The following CFAP251 variants were observed in gnomAD, a reference collection of about 807,000 sequenced individuals.
CFAP251 encodes cilia and flagella associated protein 251, also known as cilia- and flagella-associated protein 251.
In CFAP251, 93 loss-of-function variants were observed where a neutral mutation model predicts 126.7. The observed-to-expected ratio is 0.73, with a 90% CI of 0.62 to 0.87. The LOEUF is 0.87. Among genes scored for constraint, CFAP251 ranks in the 40% least tolerant of loss-of-function variants. The pLI is 0.00. For missense variants in CFAP251, 1,287 were observed against 1,389.2 expected (o/e 0.93, Z 1.17); for synonymous variants, 503 against 506.9 (o/e 0.99, Z 0.10).
In CFAP251 at chr12:121,958,296, T is replaced by A; in HGVS notation, c.1755T>A (p.Asp585Glu). ...GGAATTTTATCATTGGAACATCTGA[T>A]GCCGCGGTGTACCACTTAACAACAG... Reference protein sequence around the residue: ...VLRNFIIGTSDAAVYHLTTDG... With the variant: ...VLRNFIIGTSEAAVYHLTTDG... The change falls in exon 12 of 22, where the codon GAT (aspartate) becomes GAA (glutamate). Residue 585 changes from aspartate (D) to glutamate (E), a missense_variant. By Grantham distance (45) the Asp-to-Glu change is conservative (BLOSUM62 2). Transcript: ENST00000288912. 6.2e-7 allele frequency: 1 copy of A among 1,614,084 alleles called. No homozygotes were observed. The highest frequency in any genetic ancestry group is 2.2e-5 in the East Asian group (1 of 44,898).
In CFAP251 at chr12:121,958,992, T is replaced by G. The variant is rs1239262288; in HGVS notation, c.2031T>G (p.Asp677Glu). The G allele has an allele frequency of 6.2e-7, 1 of 1,611,824 alleles. No homozygotes were observed. The highest frequency in any genetic ancestry group is 1.3e-5 in the African/African-American group (1 of 74,758). ...CAGAGGGGACAGTTTACATTCTTGA[T>G]GCAATGTCTTTAGAAAATGAAAGCC... ...GFTEGTVYIL[D>E]AMSLENESPE... Residue 677 changes from aspartate (D) to glutamate (E), a missense_variant, in exon 13 of 22, where the codon GAT (aspartate) becomes GAG (glutamate). Coordinates refer to ENST00000288912, the MANE Select transcript of CFAP251 (RefSeq NM_144668.6).
intron 15 of CFAP251, among the ~76,000 whole-genome samples, chr12:121,963,635 C>T (rs1882023677): frequency 6.7e-6 from 1 of 149,178 alleles, no homozygotes; most frequent in Non-Finnish European, 1.5e-5. Context: ...TGCACGTGGG[C>T]CCCTGTGCTT....
chr12:121,940,491 G>A (rs1881066910), intron 5 of CFAP251, among the ~76,000 whole-genome samples: 1 of 152,148 alleles, frequency 6.6e-6, no homozygotes, highest in Admixed American at 6.6e-5. Context: ...ATACAGAGAT[G>A]CTGAGGCCTG....
rs1225298391 is a variant in CFAP251 at position 121,975,229 on chromosome 12, C to A, written c.2772-15C>A. On this transcript the variant is annotated splice_polypyrimidine_tract_variant and intron_variant, in intron 17 of 21. Transcript: ENST00000288912. ...TGAGCGCTTTCTAATAGAGACATTTCTGTTGTTGTTCCAGTGTCCTGGAGG... is the reference window on the plus strand; with the variant it reads ...TGAGCGCTTTCTAATAGAGACATTTATGTTGTTGTTCCAGTGTCCTGGAGG... 33 of 1,611,874 alleles carry A rather than the reference C, an allele frequency of 2.0e-5. No individual in the cohort carries two copies. The highest frequency in any genetic ancestry group is 2.7e-5 in the Non-Finnish European group (32 of 1,178,458).
intron 15 of CFAP251, among the ~76,000 whole-genome samples, chr12:121,962,715 A>T (rs1881984135): frequency 6.6e-6 from 1 of 151,014 alleles, no homozygotes; most frequent in African/African-American, 2.4e-5. Flanking sequence ...AAAAAAAAGG[A>T]AAAGGAAAAG....
intron 19 of CFAP251, among the ~76,000 whole-genome samples, chr12:121,977,984 T>A (rs989588169): frequency 2.7e-5 from 4 of 150,568 alleles, no homozygotes; most frequent in African/African-American, 4.9e-5. Flanking sequence ...AATAAATAAA[T>A]AAAAATAAAA....
Position 121,999,734 on chromosome 12 carries a change from GAA to G in CFAP251, c.3027_3028del (p.Glu1009AspfsTer5). 1 of 1,605,388 alleles carries G rather than the reference GAA, an allele frequency of 6.2e-7. No individual in the cohort carries two copies. The highest frequency in any genetic ancestry group is 8.5e-7 in the Non-Finnish European group (1 of 1,173,134). On this transcript the variant is annotated frameshift_variant, in exon 20 of 22. Coordinates refer to ENST00000288912, the MANE Select transcript of CFAP251 (RefSeq NM_144668.6). LOFTEE classifies it high-confidence loss of function. ...CCCCTAGATTGATGATATATTTAAC[GAA>G]ATCAAATTTGGTGAATATGTGGACA... Reference protein sequence around the residue: ...SEEKIDDIFNEIKFGEYVDTG... With the variant: ...SEEKIDDIFNXIKFGEYVDTG...
In CFAP251 at chr12:121,931,784, T is replaced by C. The variant is rs1880701993; in HGVS notation, c.786T>C (p.Pro262=). 1 of 1,602,568 alleles carries C rather than the reference T, an allele frequency of 6.2e-7. No homozygotes were observed. Among genetic ancestry groups the C allele is most frequent in the African/African-American group, 1.3e-5 (1 of 74,314 alleles). The change falls in exon 4 of 22, where the codon CCT becomes CCC. Residue 262 remains proline (P), a synonymous_variant. Coordinates refer to ENST00000288912, the MANE Select transcript of CFAP251 (RefSeq NM_144668.6). ...TWSFGWNSSL[P]VYYIREERQR... Reference sequence around the variant, plus strand: ...CGTTTGGATGGAACAGTTCTCTTCCTGTTTACTATATTCGAGAGGAAAGGC... The same window carrying C: ...CGTTTGGATGGAACAGTTCTCTTCCCGTTTACTATATTCGAGAGGAAAGGC...
At chr12:121,939,479 C>T (rs11609272) in intron 5 of CFAP251, among the ~76,000 whole-genome samples, 2,364 of 152,254 alleles carry the variant, frequency 0.016, 22 homozygotes, top group Non-Finnish European at 0.023. Context: ...TCTCTGAAGC[C>T]TTTGCTGACC....
At chr12:121,919,143 AT>A (rs11374417) in intron 1 of CFAP251, among the ~76,000 whole-genome samples, 3 of 146,554 alleles carry the variant, frequency 2.0e-5, no homozygotes, top group South Asian at 2.1e-4. Flanking sequence ...TATTATTATT[AT>A]TTTTTTTTTA....
chr12:121,998,119 T>C (rs1415803381), intron 19 of CFAP251: 1 of 152,100 alleles, frequency 6.6e-6, no homozygotes, highest in African/African-American at 2.4e-5. Context: ...GGCATGATCA[T>C]GGGCTCACTG....
At chr12:121,968,813 G>C (rs1056303748) in intron 17 of CFAP251, 206 of 838,890 alleles carry the variant, frequency 2.5e-4, no homozygotes, top group Non-Finnish European at 2.8e-4. Flanking sequence ...TAGTTTAATA[G>C]GGGAAAAGCA....
At chr12:121,988,751 T>G (rs1226310919) in intron 19 of CFAP251, among the ~76,000 whole-genome samples, 3 of 151,134 alleles carry the variant, frequency 2.0e-5, no homozygotes, top group South Asian at 2.1e-4. Context: ...TTTTCTCTTT[T>G]TTTTTTTTTT....
intron 15 of CFAP251, among the ~76,000 whole-genome samples, chr12:121,964,446 T>C (rs1000108624): frequency 6.6e-6 from 1 of 152,200 alleles, no homozygotes; most frequent in Non-Finnish European, 1.5e-5. Flanking sequence ...ACCTCGGGCC[T>C]GAAGTTCCTG....
chr12:121,959,570 T>C (rs493519), intron 13 of CFAP251: 134,751 of 153,520 alleles, frequency 0.88, 59,308 homozygotes, highest in African/African-American at 0.94. Flanking sequence ...ACAGTCCAGC[T>C]TCTGTGTCCC....
At chr12:121,973,754 C>T (rs1323773378) in intron 17 of CFAP251, among the ~76,000 whole-genome samples, 13 of 152,184 alleles carry the variant, frequency 8.5e-5, no homozygotes, top group South Asian at 2.1e-4. Flanking sequence ...CCCTTTGTTT[C>T]GGCCAATTCC....
At chr12:121,975,126 C>A in intron 17 of CFAP251, 118 bp from the exon 18 acceptor site, 1 of 756,848 alleles carries the variant, frequency 1.3e-6, no homozygotes, top group Middle Eastern at 3.8e-4. Context: ...GTGTAGAGAC[C>A]CTAACTGTAT....
At position 121,931,821 on chromosome 12, in the gene CFAP251, C is replaced by T. The variant is rs376767113; in HGVS notation, c.823C>T (p.Leu275=). 27 of 1,606,598 alleles carry T rather than the reference C, an allele frequency of 1.7e-5. No homozygotes were observed. The highest frequency in any genetic ancestry group is 2.2e-5 in the Non-Finnish European group (26 of 1,177,140). Residue 275 remains leucine (L), a synonymous_variant, in exon 4 of 22, where the codon CTG becomes TTG. Transcript: ENST00000288912. ...YIREERQRVL[L]YVCAHTAIIY... is the part of the protein sequence containing the mutation. The stretch of plus-strand genomic sequence containing the variant: ...TCGAGAGGAAAGGCAGAGAGTTCTT[C>T]TGTATGTTTGTGCTCACACTGCGAT...
At chr12:121,958,771 C>T (rs1184821181) in intron 12 of CFAP251, among the ~76,000 whole-genome samples, 172 bp from the exon 13 acceptor site, 6 of 152,276 alleles carry the variant, frequency 3.9e-5, no homozygotes, top group Non-Finnish European at 7.3e-5. Context: ...CCTATCTGTG[C>T]GTCTCTGCGC....
Sources: allele counts gnomAD v4.1 joint callset (sites outside exome capture counted in the v4.1 genomes callset), GRCh38; gene constraint gnomAD v4.1.1; transcripts MANE v1.5; gene names NCBI Gene and HGNC (gene_info 2026-07-23, HGNC 2026-07-21).